Variants in CALCRL observed in about 807,000 individuals in gnomAD.
CALCRL encodes the protein calcitonin receptor like receptor.
In CALCRL, 27 loss-of-function variants were observed where a neutral mutation model predicts 60.4. That is an observed-to-expected ratio of 0.45 (90% CI 0.33 to 0.62). The LOEUF is 0.62. Ranked by LOEUF, CALCRL falls within the 20% of genes least tolerant of loss-of-function variation. The pLI, the probability that CALCRL is intolerant of heterozygous loss-of-function variation, is 0.03. For missense variants in CALCRL, 424 were observed against 540.7 expected (o/e 0.78, Z 2.14); for synonymous variants, 190 against 182.6 (o/e 1.04, Z -0.33).
intron 1 of CALCRL, among the ~76,000 whole-genome samples, chr2:187,413,559 G>A (rs1005157067): frequency 2.6e-5 from 4 of 152,140 alleles, no homozygotes; most frequent in African/African-American, 7.2e-5. Flanking sequence ...CCTAGGGGAA[G>A]ACTAAGTCCC....
intron 1 of CALCRL, among the ~76,000 whole-genome samples, chr2:187,393,562 T>G (rs1191602184): frequency 2.0e-5 from 3 of 152,108 alleles, no homozygotes; most frequent in Non-Finnish European, 4.4e-5. Context: ...CATGAGATTG[T>G]GAGCACAGTA....
At chr2:187,425,579 C>A (rs144305113) in intron 1 of CALCRL, among the ~76,000 whole-genome samples, 2 of 152,020 alleles carry the variant, frequency 1.3e-5, no homozygotes, top group East Asian at 3.9e-4. Context: ...GTTCTAGTCA[C>A]AAATGCATTG....
intron 1 of CALCRL, among the ~76,000 whole-genome samples, chr2:187,414,127 T>C (rs577099532): frequency 2.0e-5 from 3 of 152,152 alleles, no homozygotes; most frequent in Non-Finnish European, 4.4e-5. Context: ...TATCATTACC[T>C]GTCATCTAAC....
At chr2:187,440,077 A>G (rs911221526) in intron 1 of CALCRL, among the ~76,000 whole-genome samples, 6 of 152,118 alleles carry the variant, frequency 3.9e-5, no homozygotes, top group African/African-American at 1.2e-4. Flanking sequence ...TCTTATATCA[A>G]TAAAATTATA....
intron 8 of CALCRL, among the ~76,000 whole-genome samples, chr2:187,371,312 T>C (rs569338558): frequency 6.6e-6 from 1 of 151,876 alleles, no homozygotes; most frequent in East Asian, 1.9e-4. Context: ...ATAGGCTATA[T>C]CTCAGGACCA....
chr2:187,378,214 A>G (rs1687845289), intron 8 of CALCRL, among the ~76,000 whole-genome samples: 1 of 152,138 alleles, frequency 6.6e-6, no homozygotes, highest in Non-Finnish European at 1.5e-5. Context: ...AGATGACTAC[A>G]ATGCGATGAA....
chr2:187,400,678 A>G (rs1374126023), intron 1 of CALCRL, among the ~76,000 whole-genome samples: 2 of 151,564 alleles, frequency 1.3e-5, no homozygotes, highest in Non-Finnish European at 3.0e-5. Context: ...ATTCCCTATA[A>G]TGAAATATTA....
chr2:187,408,206 A>G (rs1689214464), intron 1 of CALCRL, among the ~76,000 whole-genome samples: 1 of 152,038 alleles, frequency 6.6e-6, no homozygotes, highest in Admixed American at 6.6e-5. Context: ...TTTTCTGGTT[A>G]ATTTACTTCA....
chr2:187,393,258 C>T (rs1398061), intron 1 of CALCRL, among the ~76,000 whole-genome samples: 106,254 of 151,842 alleles, frequency 0.7, 37,385 homozygotes, highest in East Asian at 0.87. Flanking sequence ...AATTTAGGAA[C>T]CTGCATGTTT....
At chr2:187,376,374 T>C (rs1687757056) in intron 8 of CALCRL, among the ~76,000 whole-genome samples, 1 of 152,168 alleles carries the variant, frequency 6.6e-6, no homozygotes, top group Admixed American at 6.5e-5. Flanking sequence ...GGCTTAACAC[T>C]CTTGGTGTGG....
chr2:187,387,680 CCAGTCTCAAAT>C lies in CALCRL; in HGVS notation c.-227_-217del. On this transcript the variant is annotated 5_prime_UTR_variant, in exon 2 of 15. The change abolishes the stop of an existing upstream ORF in the 5' untranslated region. Transcript: ENST00000392370. Reference sequence around the variant, plus strand: ...CCAATACTTACATGCACAATTGTCTCCAGTCTCAAATCACATTTTCTCTTGGATCATATTTG... The same window carrying C: ...CCAATACTTACATGCACAATTGTCTCCACATTTTCTCTTGGATCATATTTG... The C allele has an allele frequency of 2.5e-6, 1 of 397,026 alleles. No homozygotes were observed. Among genetic ancestry groups the C allele is most frequent in the Non-Finnish European group, 4.4e-6 (1 of 225,156 alleles). 24.6% of individuals were successfully genotyped at this position (397,026 alleles called of 1,614,324 possible).
intron 7 of CALCRL, 96 bp from the exon 8 acceptor site, chr2:187,379,127 T>A: frequency 1.5e-6 from 1 of 653,388 alleles, no homozygotes; most frequent in Non-Finnish European, 2.8e-6. Context: ...TTGAATAAAC[T>A]ATATTTTTAG....
chr2:187,354,466 T>C (rs1400702560), intron 12 of CALCRL, among the ~76,000 whole-genome samples: 1 of 151,972 alleles, frequency 6.6e-6, no homozygotes, highest in Admixed American at 6.6e-5. Context: ...CATGGAAATG[T>C]GATGGAGGAA....
At chr2:187,411,344 C>A (rs1423757212) in intron 1 of CALCRL, among the ~76,000 whole-genome samples, 1 of 152,064 alleles carries the variant, frequency 6.6e-6, no homozygotes, top group South Asian at 2.1e-4. Flanking sequence ...ACTAACCATG[C>A]TGATAACATT....
chr2:187,358,977 G>T, intron 12 of CALCRL, 86 bp downstream of exon 12: 2 of 1,038,144 alleles, frequency 1.9e-6, no homozygotes, highest in Non-Finnish European at 3.0e-6. Flanking sequence ...TGTCCACTGG[G>T]ACCCTGAAGG....
chr2:187,397,025 C>T (rs1052433953), intron 1 of CALCRL, among the ~76,000 whole-genome samples: 7 of 151,786 alleles, frequency 4.6e-5, no homozygotes, highest in Middle Eastern at 3.4e-3. Context: ...TAAACAACTT[C>T]TTTAAGAATA....
In CALCRL at chr2:187,416,442, G is replaced by T. The variant is rs148660284; in HGVS notation, c.-292-28686C>A. Among the ~76,000 whole-genome samples, 718 of 152,114 alleles carry T rather than the reference G, an allele frequency of 4.7e-3. 6 individuals are homozygous for T. Among genetic ancestry groups the T allele is most frequent in the African/African-American group, 0.017 (690 of 41,498 alleles). On this transcript the variant is annotated intron_variant, in intron 1 of 14. Coordinates refer to ENST00000392370, the MANE Select transcript of CALCRL (RefSeq NM_005795.6). The stretch of plus-strand genomic sequence containing the variant: ...AATAGATCCAAATAGATACAAGAGT[G>T]GCCCTGTTTCTTACACCTAAATAAA...
At chr2:187,357,843 G>C (rs558481870) in intron 12 of CALCRL, among the ~76,000 whole-genome samples, 29 of 148,796 alleles carry the variant, frequency 1.9e-4, no homozygotes, top group African/African-American at 6.9e-4. Context: ...AGACCCAAAT[G>C]ACAGGTTGAC....
chr2:187,348,281 A>G (rs141520254), intron 14 of CALCRL, among the ~76,000 whole-genome samples: 1 of 151,812 alleles, frequency 6.6e-6, no homozygotes, highest in East Asian at 1.9e-4. Flanking sequence ...CAAAATAAAA[A>G]TGACCATTGA....
Sources: gnomAD v4.1 joint callset for allele counts (sites outside exome capture counted in the v4.1 genomes callset) on GRCh38, gnomAD v4.1.1 for gene constraint, MANE v1.5 for transcripts, NCBI Gene and HGNC (gene_info 2026-07-23, HGNC 2026-07-21) for gene names.